The following EMCN variants were observed in gnomAD, a reference collection of about 807,000 sequenced individuals.
EMCN encodes the protein MUC-14.
In EMCN, 37 loss-of-function variants were observed where a neutral mutation model predicts 38.4. That is an observed-to-expected ratio of 0.96 (90% CI 0.74 to 1.27). The LOEUF (loss-of-function observed/expected upper bound fraction) is 1.27, where lower values mean the gene tolerates loss of function less well. Ranked by LOEUF, EMCN falls within the 50% of genes most tolerant of loss-of-function variation. The pLI, the probability that EMCN is intolerant of heterozygous loss-of-function variation, is 0.00. For missense variants in EMCN, 318 were observed against 302.8 expected, an observed-to-expected ratio of 1.05 and a Z score of -0.37; for synonymous variants, 95 against 100.8, an observed-to-expected ratio of 0.94 and a Z score of 0.35.
chr4:100,426,644 T>A (rs568808190), intron 5 of EMCN, among the ~76,000 whole-genome samples: 5 of 152,252 alleles, frequency 3.3e-5, no homozygotes, highest in Admixed American at 6.5e-5. Context: ...GGCCACTTCT[T>A]ATTGGGAGTA....
In EMCN at chr4:100,481,144, A is replaced by G. The variant is rs184546786; in HGVS notation, c.65-1105T>C. 9.9e-5 allele frequency among the ~76,000 whole-genome samples: 15 copies of G among 152,236 alleles called. No individual in the cohort carries two copies. The East Asian group carries it at 2.7e-3, about 27-fold the overall frequency. ...CTGGATAGAGTATATATACCATGTTAGTTAAGAGGATGGACTTTGAATAAT... is the reference window on the plus strand; with the variant it reads ...CTGGATAGAGTATATATACCATGTTGGTTAAGAGGATGGACTTTGAATAAT... On this transcript the variant is annotated intron_variant, in intron 1 of 11. Transcript: ENST00000296420.
chr4:100,461,852 G>T (rs1728186952), intron 4 of EMCN, among the ~76,000 whole-genome samples: 1 of 152,196 alleles, frequency 6.6e-6, no homozygotes, highest in Non-Finnish European at 1.5e-5. Context: ...AGATGTTTAA[G>T]AGGGAGCTGA....
intron 11 of EMCN, among the ~76,000 whole-genome samples, chr4:100,402,597 G>A (rs1180371884): frequency 6.6e-6 from 1 of 152,072 alleles, no homozygotes; most frequent in Non-Finnish European, 1.5e-5. Context: ...ATTACTTTCT[G>A]ATCTTTACTC....
chr4:100,405,147 A>G (rs1004834303), intron 11 of EMCN, among the ~76,000 whole-genome samples: 2 of 152,086 alleles, frequency 1.3e-5, no homozygotes, highest in African/African-American at 4.8e-5. Flanking sequence ...GTATAGAAAC[A>G]TATAATCTAT....
intron 1 of EMCN, chr4:100,486,853 A>G: frequency 2.0e-6 from 2 of 985,442 alleles, no homozygotes; most frequent in South Asian, 4.7e-5. Flanking sequence ...TAAATTGCCT[A>G]CACTCACCCA....
At chr4:100,513,572 G>C (rs556492534) in intron 1 of EMCN, among the ~76,000 whole-genome samples, 2 of 152,256 alleles carry the variant, frequency 1.3e-5, no homozygotes, top group African/African-American at 4.8e-5. Flanking sequence ...AGTAGAGCTG[G>C]TTCTGTTTAG....
Position 100,427,441 on chromosome 4 carries a change from TTC to T in EMCN, c.416-4039_416-4038del, listed in dbSNP as rs200464024. Among the ~76,000 whole-genome samples the T allele has an allele frequency of 3.3e-3, 488 of 145,944 alleles. 25 individuals carry two copies. Among genetic ancestry groups the T allele is most frequent in the Middle Eastern group, 7.0e-3 (2 of 286 alleles). On this transcript the variant is annotated intron_variant, in intron 5 of 11. Coordinates refer to ENST00000296420, the MANE Select transcript of EMCN (RefSeq NM_016242.4). ...TGTGCACCACCACACCCAGCTAATT[TTC>T]TCTCTCTCTCTTTTTTTTTTTTTTT...
chr4:100,409,002 A>G (rs956712147), intron 11 of EMCN, among the ~76,000 whole-genome samples: 10 of 152,150 alleles, frequency 6.6e-5, no homozygotes, highest in African/African-American at 1.9e-4. Context: ...ACTGACACAT[A>G]TGTTTGGATG....
At chr4:100,482,636 G>C (rs1227980684) in intron 1 of EMCN, among the ~76,000 whole-genome samples, 1 of 152,038 alleles carries the variant, frequency 6.6e-6, no homozygotes, top group Non-Finnish European at 1.5e-5. Flanking sequence ...GCATGATCTG[G>C]GAAAATACTG....
intron 1 of EMCN, among the ~76,000 whole-genome samples, chr4:100,500,419 G>A (rs915524364): frequency 4.6e-5 from 7 of 152,024 alleles, no homozygotes; most frequent in Non-Finnish European, 8.8e-5. Flanking sequence ...AAATCTTAGC[G>A]AAAACCTGGT....
At chr4:100,507,423 C>T (rs1334232408) in intron 1 of EMCN, among the ~76,000 whole-genome samples, 1 of 152,044 alleles carries the variant, frequency 6.6e-6, no homozygotes, top group African/African-American at 2.4e-5. Flanking sequence ...TCCCTGAAAG[C>T]CCTAGACTCT....
At chr4:100,420,247 T>C (rs1276734944) in intron 8 of EMCN, among the ~76,000 whole-genome samples, 1 of 152,092 alleles carries the variant, frequency 6.6e-6, no homozygotes, top group East Asian at 1.9e-4. Context: ...TAAGTAACTG[T>C]ACTATGGTAT....
Position 100,448,829 on chromosome 4 carries a change from TCCCTCCCTC to T in EMCN, c.377-1267_377-1259del, listed in dbSNP as rs1400159754. The stretch of plus-strand genomic sequence containing the variant: ...CTTCCTTCCTTCCTTCCTTCCTCCC[TCCCTCCCTC>T]CCTCCCTTCCTTGCTTTCTGGCTTG... On this transcript the variant is annotated intron_variant, in intron 4 of 11. Transcript: ENST00000296420. Among the ~76,000 whole-genome samples the T allele has an allele frequency of 1.2e-3, 177 of 147,448 alleles. 5 individuals carry two copies. The highest frequency in any genetic ancestry group is 3.9e-3 in the African/African-American group (155 of 39,326).
intron 10 of EMCN, among the ~76,000 whole-genome samples, chr4:100,411,588 GA>G (rs542086771): frequency 3.3e-5 from 5 of 150,332 alleles, no homozygotes; most frequent in African/African-American, 4.9e-5. Flanking sequence ...CATATCTAGT[GA>G]AAAAAAAATC....
chr4:100,500,322 TTTTA>T (rs1159176274), intron 1 of EMCN, among the ~76,000 whole-genome samples: 8 of 152,138 alleles, frequency 5.3e-5, no homozygotes, highest in Non-Finnish European at 1.2e-4. Flanking sequence ...AAAATCTGAG[TTTTA>T]TTTATTTCTG....
chr4:100,453,110 G>A (rs184962827), intron 4 of EMCN, among the ~76,000 whole-genome samples: 4 of 151,978 alleles, frequency 2.6e-5, no homozygotes, highest in Admixed American at 2.6e-4. Flanking sequence ...TTCAGGACTA[G>A]GCAAGGACTT....
chr4:100,410,662 G>C (rs1195345024), intron 10 of EMCN, among the ~76,000 whole-genome samples: 1 of 152,148 alleles, frequency 6.6e-6, no homozygotes, highest in Non-Finnish European at 1.5e-5. Context: ...TGGGGAATAA[G>C]TATTGATTTT....
chr4:100,509,216 AT>A (rs940130850), intron 1 of EMCN, among the ~76,000 whole-genome samples: 1 of 152,288 alleles, frequency 6.6e-6, no homozygotes, highest in South Asian at 2.1e-4. Context: ...TGTCTAAATG[AT>A]TTTTTCTTCT....
chr4:100,484,781 T>C (rs1728897187), intron 1 of EMCN, among the ~76,000 whole-genome samples: 1 of 152,202 alleles, frequency 6.6e-6, no homozygotes, highest in Non-Finnish European at 1.5e-5. Flanking sequence ...GGTATCCTAA[T>C]GAAATATAAT....
Sources: gnomAD v4.1 joint callset for allele counts (sites outside exome capture counted in the v4.1 genomes callset) on GRCh38, gnomAD v4.1.1 for gene constraint, MANE v1.5 for transcripts, NCBI Gene and HGNC (gene_info 2026-07-23, HGNC 2026-07-21) for gene names.